Variants in CCDC92B observed in about 807,000 individuals in gnomAD.
CCDC92B encodes coiled-coil domain-containing 92B.
Under a neutral mutation model 5.6 loss-of-function variants are expected in CCDC92B, and 2 were observed. The observed-to-expected ratio is 0.36, with a 90% CI of 0.15 to 1.12. The LOEUF (loss-of-function observed/expected upper bound fraction) is 1.12, where lower values mean the gene tolerates loss of function less well. CCDC92B is among the 50% of genes most tolerant of loss of function. The pLI, the probability that CCDC92B is intolerant of heterozygous loss-of-function variation, is 0.40. For synonymous variants in CCDC92B, 115 were observed against 122.3 expected, an observed-to-expected ratio of 0.94 and a Z score of 0.39; for missense variants, 271 against 262.2, an observed-to-expected ratio of 1.03 and a Z score of -0.23.
intron 2 of CCDC92B, among the ~76,000 whole-genome samples, chr17:2,734,331 C>G (rs2070834052): frequency 6.6e-6 from 1 of 152,076 alleles, no homozygotes; most frequent in Non-Finnish European, 1.5e-5. Flanking sequence ...TGCTCCTGCC[C>G]ATGAGGTCCT....
intron 1 of CCDC92B, among the ~76,000 whole-genome samples, chr17:2,737,758 G>A (rs1282637319): frequency 6.6e-6 from 1 of 151,922 alleles, no homozygotes; most frequent in Non-Finnish European, 1.5e-5. Flanking sequence ...TTACGGGCGT[G>A]AGCCACCGCG....
At chr17:2,729,337 C>G (rs1567612164) in intron 3 of CCDC92B, among the ~76,000 whole-genome samples, 1 of 151,826 alleles carries the variant, frequency 6.6e-6, no homozygotes, top group African/African-American at 2.4e-5. Context: ...CTAAGAAATA[C>G]AAAAAATTAG....
intron 1 of CCDC92B, chr17:2,747,990 T>C: frequency 2.6e-6 from 1 of 387,440 alleles, no homozygotes; most frequent in Non-Finnish European, 5.1e-6. Flanking sequence ...GGAGACAGGC[T>C]TAGAAAGGTA....
chr17:2,727,975 A>C (rs1226827110), intron 3 of CCDC92B, among the ~76,000 whole-genome samples: 1 of 152,126 alleles, frequency 6.6e-6, no homozygotes. Context: ...GCTACTGCAC[A>C]CTACAGCCTG....
rs2151744766 is a variant in CCDC92B at position 2,741,927 on chromosome 17, A to G, written c.-23-6759T>C. 1.4e-5 allele frequency among the ~76,000 whole-genome samples: 2 copies of G among 145,402 alleles called. 1 individual carries two copies. The highest frequency in any genetic ancestry group is 4.6e-4 in the South Asian group (2 of 4,334). ...CTTGAAACCAGGACGCGGAGGTTGCAGTGAGCCGAGATCACGCCACTGCAC... is the reference window on the plus strand; with the variant it reads ...CTTGAAACCAGGACGCGGAGGTTGCGGTGAGCCGAGATCACGCCACTGCAC... On this transcript the variant is annotated intron_variant, in intron 1 of 3. Transcript: ENST00000614400.
chr17:2,735,746 C>T (rs1291446271), intron 1 of CCDC92B, among the ~76,000 whole-genome samples: 2 of 152,054 alleles, frequency 1.3e-5, no homozygotes, highest in African/African-American at 2.4e-5. Flanking sequence ...TAACTTTAGC[C>T]TCTTCTACTT....
intron 1 of CCDC92B, among the ~76,000 whole-genome samples, chr17:2,739,473 G>T (rs1038579743): frequency 6.6e-6 from 1 of 151,492 alleles, no homozygotes; most frequent in African/African-American, 2.4e-5. Context: ...GAGGTCAGGA[G>T]ATCAAGACCA....
rs897712788 is a variant in CCDC92B at position 2,735,136 on chromosome 17, C to T, written c.10G>A (p.Val4Met). 13 of 985,512 alleles carry T rather than the reference C, an allele frequency of 1.3e-5. No homozygotes were observed. In the African/African-American group the frequency reaches 1.6e-4, roughly 12 times the overall value. The allele number at this position is 985,512 out of a possible 1,614,324, so 61.0% of individuals were successfully genotyped here. MDT[V>M]SLEHQIQSVQ... ...CTCTGGATCTGATGCTCCAGGGACA[C>T]GGTATCCATGGCAACCCAGGCCTGG... The change falls in exon 2 of 4, where the codon GTG becomes ATG. Residue 4 changes from valine to methionine, a missense_variant. Physicochemically the swap from Val to Met is conservative, Grantham distance 21. Transcript: ENST00000614400.
Position 2,723,148 on chromosome 17 carries a change from ACTC to A in CCDC92B, c.*1260_*1262del, listed in dbSNP as rs538860698. Reference sequence around the variant, plus strand: ...ATCCCCCCAGCAAACACAAACCCAAACTCCTATCAGTAGCTGCCACTTCCAAGA... The same window carrying A: ...ATCCCCCCAGCAAACACAAACCCAAACTATCAGTAGCTGCCACTTCCAAGA... On this transcript the variant is annotated 3_prime_UTR_variant, in exon 4 of 4. Coordinates refer to ENST00000614400, the MANE Select transcript of CCDC92B (RefSeq NM_001355573.2). 2.7e-4 allele frequency: 41 copies of A among 153,066 alleles called. No individual in the cohort carries two copies. Among genetic ancestry groups the A allele is most frequent in the African/African-American group, 8.7e-4 (36 of 41,500 alleles). 9.5% of individuals were successfully genotyped at this position (153,066 alleles called of 1,614,324 possible).
At chr17:2,746,536 G>T (rs1379890266) in intron 1 of CCDC92B, among the ~76,000 whole-genome samples, 1 of 151,954 alleles carries the variant, frequency 6.6e-6, no homozygotes, top group African/African-American at 2.4e-5. Context: ...GGCACAGTTG[G>T]GACTCTCTGA....
rs371234922 is a variant in CCDC92B at position 2,742,508 on chromosome 17, A to T, written c.-24+6903T>A. 7.9e-5 allele frequency among the ~76,000 whole-genome samples: 12 copies of T among 152,156 alleles called. No homozygotes were observed. The East Asian group carries it at 1.4e-3, about 17-fold the overall frequency. On this transcript the variant is annotated intron_variant, in intron 1 of 3. Coordinates refer to ENST00000614400, the MANE Select transcript of CCDC92B (RefSeq NM_001355573.2). ...AGATGGATTGGATTAATTCATGATG[A>T]TAGGGAGGGGGATGGCTAAGATATC...
In CCDC92B at chr17:2,722,386, G is replaced by A. The variant is rs1157390888; in HGVS notation, c.*2025C>T. On this transcript the variant is annotated 3_prime_UTR_variant, in exon 4 of 4. Transcript: ENST00000614400. ...ACCCCAGGCCACCTTCTTGGCCCAA[G>A]TTGGACTGGAGAGCACTGTCCCAAG... The A allele has an allele frequency of 1.3e-5, 2 of 152,488 alleles. No homozygotes were observed. The highest frequency in any genetic ancestry group is 2.9e-5 in the Non-Finnish European group (2 of 68,290). The allele number at this position is 152,488 out of a possible 1,614,324, so 9.4% of individuals were successfully genotyped here.
At chr17:2,726,586 G>C (rs2070733820) in intron 3 of CCDC92B, among the ~76,000 whole-genome samples, 1 of 152,046 alleles carries the variant, frequency 6.6e-6, no homozygotes, top group Non-Finnish European at 1.5e-5. Context: ...CAAAGTGCTG[G>C]GATTACAGGC....
chr17:2,725,182 T>G (rs561523078), intron 3 of CCDC92B, among the ~76,000 whole-genome samples, 182 bp from the exon 4 acceptor site: 47 of 152,018 alleles, frequency 3.1e-4, no homozygotes, highest in Non-Finnish European at 1.5e-4. Context: ...GAGACCAGCC[T>G]GGCCAACATG....
chr17:2,730,483 A>T lies in CCDC92B; in HGVS notation c.141T>A (p.His47Gln), dbSNP rs1382509903. 2.8e-5 allele frequency: 27 copies of T among 975,436 alleles called. No homozygotes were observed. Among genetic ancestry groups the T allele is most frequent in the Non-Finnish European group, 3.3e-5 (27 of 828,106 alleles). 60.4% of individuals were successfully genotyped at this position (975,436 alleles called of 1,614,324 possible). The stretch of plus-strand genomic sequence containing the variant: ...ATTGGGCCTCTCTCATTTCCAGGTC[A>T]TGGGTCAGTTCTGGGGGGAAAGAAA... ...RLQKRCSELT[H>Q]DLEMREAQSH... Residue 47 changes from histidine (H) to glutamine (Q), a missense_variant, in exon 3 of 4, where the codon CAT (histidine) becomes CAA (glutamine). His to Gln is a conservative substitution (Grantham distance 24, BLOSUM62 0). Coordinates refer to ENST00000614400, the MANE Select transcript of CCDC92B (RefSeq NM_001355573.2).
At position 2,735,094 on chromosome 17, in the gene CCDC92B, T is replaced by C. The variant is rs1325364571; in HGVS notation, c.52A>G (p.Ser18Gly). ...HQIQSVQRHI[S>G]FLKKEQMALL... ...GCCATCTGCTCCTTTTTCAGGAAGC[T>C]GATGTGGCGTTGCACGCTCTGGATC... Residue 18 changes from serine (S) to glycine (G), a missense_variant, in exon 2 of 4, where the codon AGC becomes GGC. Physicochemically the swap from Ser to Gly is moderately conservative, Grantham distance 56 (BLOSUM62 0). Transcript: ENST00000614400. 1.6e-5 allele frequency: 16 copies of C among 985,462 alleles called. No individual in the cohort carries two copies. The highest frequency in any genetic ancestry group is 6.0e-6 in the Non-Finnish European group (5 of 830,026). 61.0% of individuals were successfully genotyped at this position (985,462 alleles called of 1,614,324 possible).
In CCDC92B at chr17:2,731,483, G is replaced by T. The variant is rs558725491; in HGVS notation, c.131-990C>A. Among the ~76,000 whole-genome samples, 5 of 152,322 alleles carry T rather than the reference G, an allele frequency of 3.3e-5. No homozygotes were observed. In the East Asian group the frequency reaches 7.7e-4, roughly 24 times the overall value. ...ACAGTCTGGTGTCCACGGGGAGGAG[G>T]TGTGAACCGGGGGTTGGGGAAGGAA... On this transcript the variant is annotated intron_variant, in intron 2 of 3. Coordinates refer to ENST00000614400, the MANE Select transcript of CCDC92B (RefSeq NM_001355573.2).
chr17:2,732,131 C>T (rs111685297), intron 2 of CCDC92B, among the ~76,000 whole-genome samples: 125 of 152,316 alleles, frequency 8.2e-4, no homozygotes, highest in African/African-American at 2.8e-3. Flanking sequence ...CGCGTGTGAG[C>T]AGTTCTTATC....
chr17:2,725,275 C>G (rs893272081), intron 3 of CCDC92B, among the ~76,000 whole-genome samples: 4 of 151,800 alleles, frequency 2.6e-5, no homozygotes, highest in Non-Finnish European at 5.9e-5. Context: ...CCCAGCTACT[C>G]GGGAGGCTGA....
Sources: allele counts gnomAD v4.1 joint callset (sites outside exome capture counted in the v4.1 genomes callset), GRCh38; gene constraint gnomAD v4.1.1; transcripts MANE v1.5; gene names NCBI Gene and HGNC (gene_info 2026-07-23, HGNC 2026-07-21).